SDCCAG8: variants seen among roughly 807,000 people sequenced by gnomAD.
SDCCAG8 encodes serologically defined colon cancer antigen 8.
A neutral mutation model predicts 101.8 loss-of-function variants in SDCCAG8; 74 were observed. That is an observed-to-expected ratio of 0.73 (90% CI 0.60 to 0.88). SDCCAG8 has a LOEUF of 0.88. Ranked by LOEUF, SDCCAG8 falls within the 40% of genes least tolerant of loss-of-function variation. SDCCAG8 has a pLI of 0.00. For synonymous variants in SDCCAG8, 281 were observed against 292.9 expected, an observed-to-expected ratio of 0.96 and a Z score of 0.41; for missense variants, 787 against 822.6, an observed-to-expected ratio of 0.96 and a Z score of 0.53.
chr1:243,385,478 G>A (rs1487521499), intron 13 of SDCCAG8, among the ~76,000 whole-genome samples: 1 of 152,174 alleles, frequency 6.6e-6, no homozygotes, highest in African/African-American at 2.4e-5. Flanking sequence ...TCTAGAAAAG[G>A]ATTACAGGGG....
At chr1:243,394,185 T>A (rs991915998) in intron 13 of SDCCAG8, among the ~76,000 whole-genome samples, 1 of 152,222 alleles carries the variant, frequency 6.6e-6, no homozygotes. Flanking sequence ...GCTCAATTTA[T>A]TCATTTTGGA....
chr1:243,443,400 G>T (rs1351155014), intron 16 of SDCCAG8, among the ~76,000 whole-genome samples: 1 of 152,192 alleles, frequency 6.6e-6, no homozygotes, highest in Admixed American at 6.5e-5. Flanking sequence ...CTCTGCCAGA[G>T]GTTGTGTGTT....
chr1:243,267,101 C>T (rs931280344), intron 1 of SDCCAG8, among the ~76,000 whole-genome samples: 1 of 151,738 alleles, frequency 6.6e-6, no homozygotes, highest in Non-Finnish European at 1.5e-5. Flanking sequence ...AAATTAGCTG[C>T]GCGTGGTGGC....
At chr1:243,400,365 A>G (rs2079300061) in intron 13 of SDCCAG8, among the ~76,000 whole-genome samples, 2 of 152,176 alleles carry the variant, frequency 1.3e-5, no homozygotes, top group South Asian at 4.1e-4. Context: ...GACTGCTGAA[A>G]ACTATCATAT....
chr1:243,500,060 A>G lies in SDCCAG8; in HGVS notation c.*275A>G, dbSNP rs1474151091. ...TGCTCATTCGTATGCTAGGTTATAC[A>G]TATGATTTTCAATAAATGAACTTTT... On this transcript the variant is annotated 3_prime_UTR_variant, in exon 18 of 18. Transcript: ENST00000366541. 8.8e-6 allele frequency: 4 copies of G among 453,928 alleles called. No homozygotes were observed. Among genetic ancestry groups the G allele is most frequent in the Admixed American group, 7.5e-5 (2 of 26,504 alleles). The allele number at this position is 453,928 out of a possible 1,614,324, so 28.1% of individuals were successfully genotyped here. A position where few individuals can be genotyped will look rare whatever the true frequency, so the allele number is the denominator to read the frequency against.
intron 15 of SDCCAG8, among the ~76,000 whole-genome samples, chr1:243,425,644 G>C (rs2081290135): frequency 6.6e-6 from 1 of 152,104 alleles, no homozygotes; most frequent in Non-Finnish European, 1.5e-5. Context: ...ATGAGGAGAT[G>C]GTGGCAGTAG....
At chr1:243,368,993 G>A (rs909172121) in intron 12 of SDCCAG8, among the ~76,000 whole-genome samples, 8 of 152,038 alleles carry the variant, frequency 5.3e-5, no homozygotes, top group Non-Finnish European at 1.2e-4. Flanking sequence ...TCAGGAGGGG[G>A]TTATGTTCCA....
chr1:243,371,468 T>G (rs1484773403), intron 12 of SDCCAG8, among the ~76,000 whole-genome samples: 1 of 152,136 alleles, frequency 6.6e-6, no homozygotes, highest in Non-Finnish European at 1.5e-5. Flanking sequence ...AATGGAATTT[T>G]AAAATATAAA....
At chr1:243,307,889 T>A (rs2072315181) in intron 7 of SDCCAG8, 100 bp from the exon 8 acceptor site, 1 of 1,584,138 alleles carries the variant, frequency 6.3e-7, no homozygotes, top group Non-Finnish European at 8.5e-7. Flanking sequence ...ATAAGGTGAG[T>A]ACCCATAAAC....
rs750827486 is a variant in SDCCAG8 at position 243,364,466 on chromosome 1, T to C, written c.1474-14255T>C. ...GGGAACCAGAGCATTCATACTGATG[T>C]TCTCTGTAATTAGGTACACCAAGGA... On this transcript the variant is annotated intron_variant, in intron 12 of 17. Coordinates refer to ENST00000366541, the MANE Select transcript of SDCCAG8 (RefSeq NM_006642.5). Among the ~76,000 whole-genome samples, 3 of 152,180 alleles carry C rather than the reference T, an allele frequency of 2.0e-5. No homozygotes were observed. In the South Asian group the frequency reaches 6.2e-4, roughly 32 times the overall value.
intron 10 of SDCCAG8, among the ~76,000 whole-genome samples, chr1:243,331,453 G>A (rs2074587793): frequency 6.6e-6 from 1 of 152,312 alleles, no homozygotes; most frequent in South Asian, 2.1e-4. Flanking sequence ...AACTTATTCA[G>A]TAAGTATATA....
At chr1:243,265,574 A>G (rs1161529717) in intron 1 of SDCCAG8, among the ~76,000 whole-genome samples, 1 of 152,238 alleles carries the variant, frequency 6.6e-6, no homozygotes, top group African/African-American at 2.4e-5. Flanking sequence ...GCACTTTGGG[A>G]GGCCAAGGTG....
chr1:243,278,213 A>G (rs943190471), intron 4 of SDCCAG8, among the ~76,000 whole-genome samples: 2 of 151,986 alleles, frequency 1.3e-5, no homozygotes, highest in Admixed American at 1.3e-4. Context: ...ATTTTGTGAG[A>G]TTTATACCTA....
intron 13 of SDCCAG8, among the ~76,000 whole-genome samples, chr1:243,401,235 C>G (rs2079378489): frequency 1.3e-5 from 2 of 152,208 alleles, no homozygotes; most frequent in South Asian, 2.1e-4. Flanking sequence ...AAATCAACTC[C>G]AGCAATTTTT....
chr1:243,361,994 G>T (rs2076737899), intron 12 of SDCCAG8, among the ~76,000 whole-genome samples: 1 of 152,102 alleles, frequency 6.6e-6, no homozygotes, highest in African/African-American at 2.4e-5. Flanking sequence ...GGATGGATAG[G>T]TGGGTGAAGA....
chr1:243,292,647 A>G (rs1003081776), intron 5 of SDCCAG8, among the ~76,000 whole-genome samples: 3 of 152,226 alleles, frequency 2.0e-5, no homozygotes, highest in African/African-American at 7.2e-5. Context: ...TCTATCCCAT[A>G]GAACTGTAAT....
chr1:243,480,849 T>TGGGTG (rs1663584204), intron 16 of SDCCAG8, among the ~76,000 whole-genome samples: 2 of 24,080 alleles, frequency 8.3e-5, no homozygotes, highest in African/African-American at 2.0e-4. Context: ...ATGGGTGGGG[T>TGGGTG]GGATGGATGG....
rs569796241 is a variant in SDCCAG8 at position 243,463,695 on chromosome 1, C to T, written c.1986-25319C>T. 7.2e-5 allele frequency among the ~76,000 whole-genome samples: 11 copies of T among 152,276 alleles called. No homozygotes were observed. The South Asian group carries it at 1.9e-3, about 26-fold the overall frequency. On this transcript the variant is annotated intron_variant, in intron 16 of 17. Transcript: ENST00000366541. ...TGGTAATATTACTCATTAAATTCAC[C>T]ATATGATTAGGTTTTTGAGTTTTTA...
chr1:243,484,766 C>G (rs72759890), intron 16 of SDCCAG8, among the ~76,000 whole-genome samples: 16,671 of 152,202 alleles, frequency 0.11, 1,326 homozygotes, highest in East Asian at 0.45. Context: ...GAGGTGTTGG[C>G]CGGGCGCGGT....
Sources: gnomAD v4.1 joint callset for allele counts (sites outside exome capture counted in the v4.1 genomes callset) on GRCh38, gnomAD v4.1.1 for gene constraint, MANE v1.5 for transcripts, NCBI Gene and HGNC (gene_info 2026-07-23, HGNC 2026-07-21) for gene names.